Variants in COL14A1 observed in about 807,000 individuals in gnomAD.
The protein encoded by COL14A1 is collagen alpha-1(XIV) chain.
COL14A1 carries 136 observed loss-of-function variants against 230.3 expected under a neutral mutation model. The ratio of observed to expected loss-of-function variants is 0.59; its 90% confidence interval spans 0.51 to 0.68. The LOEUF (loss-of-function observed/expected upper bound fraction) is 0.68, where lower values mean the gene tolerates loss of function less well. Ranked by LOEUF, COL14A1 falls within the 30% of genes least tolerant of loss-of-function variation. COL14A1 has a pLI of 0.00. For synonymous variants in COL14A1, 792 were observed against 784.1 expected, an observed-to-expected ratio of 1.01 and a Z score of -0.17; for missense variants, 1,976 against 2,215.8, an observed-to-expected ratio of 0.89 and a Z score of 2.17.
intron 45 of COL14A1, among the ~76,000 whole-genome samples, chr8:120,358,381 A>T (rs1823059138): frequency 6.6e-6 from 1 of 152,148 alleles, no homozygotes; most frequent in African/African-American, 2.4e-5. Context: ...TCCTCATAAT[A>T]CATGAAATAC....
In COL14A1 at chr8:120,263,313, T is replaced by G. The variant is rs187150621; in HGVS notation, c.3016+299T>G. 6.4e-4 allele frequency among the ~76,000 whole-genome samples: 97 copies of G among 152,268 alleles called. 1 individual carries two copies. The highest frequency in any genetic ancestry group is 9.3e-4 in the Non-Finnish European group (63 of 68,016). On this transcript the variant is annotated intron_variant, in intron 24 of 47. Transcript: ENST00000297848. ...TGTGATCCAGATCCATAAGGAACAT[T>G]TGTGGCATGTGGAGTGTGAAATGCA...
intron 5 of COL14A1, among the ~76,000 whole-genome samples, chr8:120,170,759 C>T (rs191041327): frequency 6.6e-6 from 1 of 151,672 alleles, no homozygotes; most frequent in African/African-American, 2.4e-5. Flanking sequence ...TCTTTTTATT[C>T]TTAGTAATTC....
intron 22 of COL14A1, among the ~76,000 whole-genome samples, chr8:120,253,596 T>A (rs1032058808): frequency 6.6e-6 from 1 of 152,174 alleles, no homozygotes; most frequent in Non-Finnish European, 1.5e-5. Context: ...AAATATTTTG[T>A]GTGGTTACAT....
rs955555830 is a variant in COL14A1, at chr8:120,145,484, T to A, written c.-37-2322T>A. 3.9e-4 allele frequency among the ~76,000 whole-genome samples: 59 copies of A among 152,250 alleles called. 1 individual carries two copies. Among genetic ancestry groups the A allele is most frequent in the Middle Eastern group, 3.4e-3 (1 of 294 alleles). ...AAATACAAAAATTAGCCGGGCGTAG[T>A]GGCACGTGCCTGTAATCCCAGCTAC... is the stretch of plus-strand genomic sequence containing the variant. On this transcript the variant is annotated intron_variant, in intron 1 of 47. Transcript: ENST00000297848.
intron 3 of COL14A1, among the ~76,000 whole-genome samples, chr8:120,161,780 C>T (rs1815679665): frequency 6.6e-6 from 1 of 152,150 alleles, no homozygotes; most frequent in Non-Finnish European, 1.5e-5. Context: ...TGTCCTGCCG[C>T]AGCCTCCTGA....
chr8:120,228,582 C>T (rs1818164594), intron 17 of COL14A1, 128 bp from the exon 18 acceptor site: 1 of 685,634 alleles, frequency 1.5e-6, no homozygotes, highest in African/African-American at 1.8e-5. Context: ...CGTCTTCTAA[C>T]CATTGTCATG....
intron 45 of COL14A1, among the ~76,000 whole-genome samples, chr8:120,365,674 G>T (rs1823385168): frequency 6.6e-6 from 1 of 152,194 alleles, no homozygotes; most frequent in South Asian, 2.1e-4. Flanking sequence ...AGATGAGATG[G>T]TATTTTTACT....
intron 19 of COL14A1, among the ~76,000 whole-genome samples, 197 bp from the exon 20 acceptor site, chr8:120,243,682 G>A (rs1818677449): frequency 6.7e-6 from 1 of 148,820 alleles, no homozygotes; most frequent in African/African-American, 2.5e-5. Flanking sequence ...TTCTGTATTA[G>A]TGATTATAAA....
At chr8:120,210,979 A>G (rs1817601288) in intron 12 of COL14A1, among the ~76,000 whole-genome samples, 1 of 152,128 alleles carries the variant, frequency 6.6e-6, no homozygotes, top group Admixed American at 6.6e-5. Context: ...GAAAAAAAAA[A>G]GGAATAGTAG....
At chr8:120,183,244 G>A (rs572656469) in intron 5 of COL14A1, among the ~76,000 whole-genome samples, 21 of 152,172 alleles carry the variant, frequency 1.4e-4, no homozygotes, top group Admixed American at 3.9e-4. Flanking sequence ...ATACATGGAC[G>A]GGTCAAGTGG....
At chr8:120,229,522 T>C (rs1818202474) in intron 18 of COL14A1, among the ~76,000 whole-genome samples, 1 of 152,096 alleles carries the variant, frequency 6.6e-6, no homozygotes, top group Non-Finnish European at 1.5e-5. Context: ...TGTTGGACAT[T>C]TGGGTTGGTT....
At chr8:120,250,576 A>G (rs377250049) in intron 21 of COL14A1, 41 bp from the exon 22 acceptor site, 8 of 1,608,048 alleles carry the variant, frequency 5.0e-6, no homozygotes, top group African/African-American at 1.3e-5. Flanking sequence ...CTATTTTCCC[A>G]TATTTTGTTG....
chr8:120,158,245 A>T lies in COL14A1; in HGVS notation c.204A>T (p.Ser68=), dbSNP rs1446489562. 6.5e-7 allele frequency: 1 copy of T among 1,544,988 alleles called. No homozygotes were observed. ...ACAAACTTCTTGTGACTCCAACTTC[A>T]GGTAAAAACAATTGACTTTGTTTTG... ...GGYKLLVTPT[S]GGKTNQLNLQ... The change falls in exon 3 of 48, where the codon TCA becomes TCT. Residue 68 remains serine (S), a splice_region_variant and synonymous_variant. Transcript: ENST00000297848.
chr8:120,172,734 C>G (rs930650287), intron 5 of COL14A1, among the ~76,000 whole-genome samples: 11 of 152,184 alleles, frequency 7.2e-5, no homozygotes, highest in African/African-American at 2.4e-4. Flanking sequence ...TGTCATCTCC[C>G]TTGCTAGAAA....
rs78763416 is a variant in COL14A1, at chr8:120,370,547, A to G, written c.5312-605A>G. 1.6e-4 allele frequency: 232 copies of G among 1,466,836 alleles called. 1 individual carries two copies. In the East Asian group the frequency reaches 5.5e-3, roughly 35 times the overall value. The allele number at this position is 1,466,836 out of a possible 1,614,324, so 90.9% of individuals were successfully genotyped here. A position where few individuals can be genotyped will look rare whatever the true frequency, so the allele number is the denominator to read the frequency against. On this transcript the variant is annotated intron_variant, in intron 47 of 47. Coordinates refer to ENST00000297848, the MANE Select transcript of COL14A1 (RefSeq NM_021110.4). Reference sequence around the variant, plus strand: ...ACCTCTTGCCCACTCTGCTCCAAACATGATGGAGTGATAACATCGGAACTT... The same window carrying G: ...ACCTCTTGCCCACTCTGCTCCAAACGTGATGGAGTGATAACATCGGAACTT...
At chr8:120,137,856 C>A (rs1462595755) in intron 1 of COL14A1, among the ~76,000 whole-genome samples, 1 of 151,950 alleles carries the variant, frequency 6.6e-6, no homozygotes, top group Non-Finnish European at 1.5e-5. Flanking sequence ...ATCTTACACA[C>A]CTTGACCTCC....
At chr8:120,131,424 C>T (rs1814521468) in intron 1 of COL14A1, among the ~76,000 whole-genome samples, 1 of 149,378 alleles carries the variant, frequency 6.7e-6, no homozygotes, top group Admixed American at 6.7e-5. Flanking sequence ...GAGATAGTAT[C>T]TCAATGTGAT....
chr8:120,303,997 A>G (rs750056183), intron 36 of COL14A1, among the ~76,000 whole-genome samples: 22 of 152,168 alleles, frequency 1.4e-4, no homozygotes, highest in Non-Finnish European at 2.9e-4. Flanking sequence ...GAATTTATCC[A>G]TCTCTTCTAG....
At chr8:120,169,080 T>C (rs1263778361) in intron 5 of COL14A1, among the ~76,000 whole-genome samples, 1 of 152,168 alleles carries the variant, frequency 6.6e-6, no homozygotes, top group East Asian at 1.9e-4. Context: ...GGTCTCGAAC[T>C]CCTGACCTCA....
Sources: gnomAD v4.1 joint callset for allele counts (sites outside exome capture counted in the v4.1 genomes callset) on GRCh38, gnomAD v4.1.1 for gene constraint, MANE v1.5 for transcripts, NCBI Gene and HGNC (gene_info 2026-07-23, HGNC 2026-07-21) for gene names.